The following PPP2CA variants were observed in gnomAD, a reference collection of about 807,000 sequenced individuals.
The protein encoded by PPP2CA is serine/threonine-protein phosphatase 2A catalytic subunit alpha isoform.
PPP2CA carries 5 observed loss-of-function variants against 38.8 expected under a neutral mutation model. The ratio of observed to expected loss-of-function variants is 0.13; its 90% CI spans 0.07 to 0.27. PPP2CA has a LOEUF of 0.27. Ranked by LOEUF, PPP2CA falls within the 10% of genes least tolerant of loss-of-function variation. The pLI is 1.00. For synonymous variants in PPP2CA, 152 were observed against 134.0 expected (o/e 1.13, Z -0.93); for missense variants, 88 against 389.7 (o/e 0.23, Z 6.52).
In PPP2CA at chr5:134,225,912, G is replaced by T; in HGVS notation, c.-51C>A. 2 of 1,545,756 alleles carry T rather than the reference G, an allele frequency of 1.3e-6. No homozygotes were observed. On this transcript the variant is annotated 5_prime_UTR_variant, in exon 1 of 7. Transcript: ENST00000481195. ...CGCTCCGCGCTGCTCCCGCGCCGCC[G>T]CCCGCACACGGGCCTACACGCACAC...
At chr5:134,221,315 T>C (rs985868772) in intron 1 of PPP2CA, among the ~76,000 whole-genome samples, 1 of 152,162 alleles carries the variant, frequency 6.6e-6, no homozygotes, top group Non-Finnish European at 1.5e-5. Flanking sequence ...GGCTTCACCG[T>C]GTTAGCCAGG....
At chr5:134,214,759 T>C (rs1290759069) in intron 1 of PPP2CA, among the ~76,000 whole-genome samples, 6 of 59,164 alleles carry the variant, frequency 1.0e-4, no homozygotes, top group Non-Finnish European at 2.7e-4. Flanking sequence ...AGTAACTTTT[T>C]GGCATTTTGT....
At chr5:134,197,869 T>C in intron 6 of PPP2CA, 25 bp from the exon 7 acceptor site, 17 of 1,605,284 alleles carry the variant, frequency 1.1e-5, no homozygotes, top group Non-Finnish European at 1.5e-5. Flanking sequence ...CGATTCATGG[T>C]TTATGTTCCA....
At chr5:134,207,224 C>T (rs4958176) in intron 1 of PPP2CA, among the ~76,000 whole-genome samples, 117,485 of 151,980 alleles carry the variant, frequency 0.77, 45,858 homozygotes, top group Non-Finnish European at 0.82. Context: ...GCCATCATGG[C>T]GAAACCCCAT....
intron 1 of PPP2CA, chr5:134,225,522 A>C: frequency 2.2e-6 from 1 of 449,224 alleles, no homozygotes; most frequent in South Asian, 3.0e-5. Context: ...GGCTGACTCA[A>C]AAGCCCAGGA....
At chr5:134,220,455 T>TTAAAAAA (rs1762412825) in intron 1 of PPP2CA, among the ~76,000 whole-genome samples, 1 of 2,166 alleles carries the variant, frequency 4.6e-4, no homozygotes, top group South Asian at 0.011. Context: ...AGACTCTATC[T>TTAAAAAA]CAAAAAAAAA....
At chr5:134,217,304 T>C (rs1400327971) in intron 1 of PPP2CA, among the ~76,000 whole-genome samples, 3 of 151,814 alleles carry the variant, frequency 2.0e-5, no homozygotes, top group African/African-American at 4.8e-5. Flanking sequence ...AAAAAAGAAG[T>C]CTGATTATTA....
chr5:134,209,231 G>A (rs545104863), intron 1 of PPP2CA, among the ~76,000 whole-genome samples: 4 of 151,954 alleles, frequency 2.6e-5, no homozygotes, highest in East Asian at 3.9e-4. Context: ...AAATACTGGC[G>A]ATAACAGTGG....
rs1761821403 is a variant in PPP2CA, at chr5:134,195,111, C to G, written c.*2661G>C. 1 of 152,150 alleles carries G rather than the reference C, an allele frequency of 6.6e-6. No individual in the cohort carries two copies. The highest frequency in any genetic ancestry group is 1.5e-5 in the Non-Finnish European group (1 of 68,020). The allele number at this position is 152,150 out of a possible 1,614,324, so 9.4% of individuals were successfully genotyped here. A position where few individuals can be genotyped will look rare whatever the true frequency, so the allele number is the denominator to read the frequency against. ...CTATTTAAGAAATACCGACTACAAC[C>G]AACAAATGTTTAATATGCAGCAAAT... is the stretch of plus-strand genomic sequence containing the variant. On this transcript the variant is annotated 3_prime_UTR_variant, in exon 7 of 7. Coordinates refer to ENST00000481195, the MANE Select transcript of PPP2CA (RefSeq NM_002715.4).
intron 1 of PPP2CA, among the ~76,000 whole-genome samples, chr5:134,223,571 C>T (rs923209212): frequency 7.2e-5 from 11 of 152,196 alleles, no homozygotes; most frequent in Non-Finnish European, 1.0e-4. Context: ...GCACTCAGAA[C>T]TAAAATTTGC....
intron 2 of PPP2CA, among the ~76,000 whole-genome samples, chr5:134,204,560 A>G (rs1762036455): frequency 6.6e-6 from 1 of 152,184 alleles, no homozygotes; most frequent in Admixed American, 6.5e-5. Context: ...TCCCAGGTTC[A>G]AGTGATCCTC....
In PPP2CA at chr5:134,194,421, G is replaced by A. The variant is rs1761797575; in HGVS notation, c.*3351C>T. The A allele has an allele frequency of 6.6e-6, 1 of 152,146 alleles. No homozygotes were observed. Among genetic ancestry groups the A allele is most frequent in the Admixed American group, 6.5e-5 (1 of 15,278 alleles). The allele number at this position is 152,146 out of a possible 1,614,324, so 9.4% of individuals were successfully genotyped here. A position where few individuals can be genotyped will look rare whatever the true frequency, so the allele number is the denominator to read the frequency against. Reference sequence around the variant, plus strand: ...AAACAAGCCTATTACCAAACTATAGGTTACTAAACTATAGGCCCATTTCTA... The same window carrying A: ...AAACAAGCCTATTACCAAACTATAGATTACTAAACTATAGGCCCATTTCTA... On this transcript the variant is annotated 3_prime_UTR_variant, in exon 7 of 7. Coordinates refer to ENST00000481195, the MANE Select transcript of PPP2CA (RefSeq NM_002715.4).
intron 2 of PPP2CA, among the ~76,000 whole-genome samples, chr5:134,205,424 C>T (rs1442479541): frequency 7.3e-5 from 11 of 150,858 alleles, no homozygotes; most frequent in Non-Finnish European, 1.5e-4. Flanking sequence ...CTCTGTTGTC[C>T]AGGCTGGCGT....
chr5:134,207,061 A>G (rs1320190685), intron 1 of PPP2CA, among the ~76,000 whole-genome samples: 1 of 152,242 alleles, frequency 6.6e-6, no homozygotes, highest in East Asian at 1.9e-4. Flanking sequence ...CACAGATGAC[A>G]AGGACTGGGT....
rs763553187 is a variant in PPP2CA, at chr5:134,205,994, G to A, written c.240C>T (p.Tyr80=). 6.2e-7 allele frequency: 1 copy of A among 1,614,070 alleles called. No homozygotes were observed. Among genetic ancestry groups the A allele is most frequent in the Non-Finnish European group, 8.5e-7 (1 of 1,179,988 alleles). ...RIGGKSPDTN[Y]LFMGDYVDRG... ...TGTCAACATAATCTCCCATAAACAAGTAATTTGTATCTGGTGATTTGCCAC... is the reference window on the plus strand; with the variant it reads ...TGTCAACATAATCTCCCATAAACAAATAATTTGTATCTGGTGATTTGCCAC... Residue 80 remains tyrosine, a synonymous_variant, in exon 2 of 7, where the codon TAC becomes TAT. Transcript: ENST00000481195.
At chr5:134,203,105 T>C (rs564310446) in intron 2 of PPP2CA, among the ~76,000 whole-genome samples, 1 of 152,254 alleles carries the variant, frequency 6.6e-6, no homozygotes, top group Non-Finnish European at 1.5e-5. Flanking sequence ...TTTTTTTTTT[T>C]AAATATCTGA....
chr5:134,201,708 TA>T, intron 3 of PPP2CA, 139 bp downstream of exon 3: 1 of 974,072 alleles, frequency 1.0e-6, no homozygotes, highest in Non-Finnish European at 1.5e-6. Flanking sequence ...AAATTTTTTT[TA>T]AGTTTGAATG....
At chr5:134,200,762 A>C (rs1292384964) in intron 4 of PPP2CA, among the ~76,000 whole-genome samples, 1 of 152,254 alleles carries the variant, frequency 6.6e-6, no homozygotes, top group Non-Finnish European at 1.5e-5. Flanking sequence ...TTCAGAGTCT[A>C]AGACAGACAA....
rs1472649765 is a variant in PPP2CA, at chr5:134,196,990, T to A, written c.*782A>T. On this transcript the variant is annotated 3_prime_UTR_variant, in exon 7 of 7. Transcript: ENST00000481195. The stretch of plus-strand genomic sequence containing the variant: ...TATGTAGTGCCCTTGATTTTTATTT[T>A]ACCTACAAGTCTACAAATTCTAAAA... The A allele has an allele frequency of 6.5e-6, 1 of 152,676 alleles. No individual in the cohort carries two copies. Among genetic ancestry groups the A allele is most frequent in the African/African-American group, 2.4e-5 (1 of 41,462 alleles). 9.5% of individuals were successfully genotyped at this position (152,676 alleles called of 1,614,324 possible).
Sources: allele counts gnomAD v4.1 joint callset (sites outside exome capture counted in the v4.1 genomes callset), GRCh38; gene constraint gnomAD v4.1.1; transcripts MANE v1.5; gene names NCBI Gene and HGNC (gene_info 2026-07-23, HGNC 2026-07-21).